ARHGEF4: variants seen among roughly 807,000 people sequenced by gnomAD.
The protein encoded by ARHGEF4 is APC-stimulated guanine nucleotide exchange factor 1.
In ARHGEF4, 119 loss-of-function variants were observed where a neutral mutation model predicts 162.0. The observed-to-expected ratio is 0.73, with a 90% CI of 0.63 to 0.86. ARHGEF4 has a LOEUF of 0.86. Ranked by LOEUF, ARHGEF4 falls within the 40% of genes least tolerant of loss-of-function variation. The pLI is 0.00. For synonymous variants in ARHGEF4, 1,014 were observed against 979.9 expected, an observed-to-expected ratio of 1.03 and a Z score of -0.65; for missense variants, 2,488 against 2,456.0, an observed-to-expected ratio of 1.01 and a Z score of -0.28.
intron 4 of ARHGEF4, among the ~76,000 whole-genome samples, chr2:130,994,409 TGGGCAGAC>T (rs1687247135): frequency 2.0e-5 from 3 of 152,242 alleles, no homozygotes; most frequent in South Asian, 4.1e-4. Flanking sequence ...TTAAATCATG[TGGGCAGAC>T]CTATCTTATA....
At chr2:131,032,442 C>G (rs1336499333) in intron 5 of ARHGEF4, among the ~76,000 whole-genome samples, 1 of 151,990 alleles carries the variant, frequency 6.6e-6, no homozygotes, top group Non-Finnish European at 1.5e-5. Context: ...CTTATTCCCC[C>G]TCCTCAGCCC....
At chr2:130,960,918 T>G (rs998644964) in intron 4 of ARHGEF4, among the ~76,000 whole-genome samples, 1 of 152,180 alleles carries the variant, frequency 6.6e-6, no homozygotes, top group Non-Finnish European at 1.5e-5. Context: ...GATTCAAAAT[T>G]ACTGAGGTCT....
intron 1 of ARHGEF4, among the ~76,000 whole-genome samples, chr2:130,876,393 CTT>C (rs1043308059): frequency 1.3e-5 from 2 of 151,950 alleles, no homozygotes; most frequent in Non-Finnish European, 2.9e-5. Flanking sequence ...GTATGAGCAT[CTT>C]TTTTTTGTTT....
chr2:130,981,666 A>AG (rs1177805934), intron 4 of ARHGEF4, among the ~76,000 whole-genome samples: 1 of 151,848 alleles, frequency 6.6e-6, no homozygotes, highest in African/African-American at 2.4e-5. Context: ...TCAAAAAAAA[A>AG]AAAAAAGAAA....
intron 1 of ARHGEF4, among the ~76,000 whole-genome samples, chr2:130,855,593 T>C (rs142685363): frequency 2.0e-3 from 301 of 152,238 alleles, no homozygotes; most frequent in Middle Eastern, 6.8e-3. Context: ...CAGGTTTTTA[T>C]TGGGGTCAGT....
intron 1 of ARHGEF4, among the ~76,000 whole-genome samples, chr2:130,863,887 C>G (rs13006350): frequency 0.11 from 11,693 of 110,914 alleles, 724 homozygotes; most frequent in South Asian, 0.21. Flanking sequence ...TACTGCTCAA[C>G]AACAAGAGTG....
chr2:130,908,967 G>C (rs1323637627), intron 1 of ARHGEF4, among the ~76,000 whole-genome samples: 1 of 152,118 alleles, frequency 6.6e-6, no homozygotes, highest in African/African-American at 2.4e-5. Flanking sequence ...CACAAATCCA[G>C]ATTGCAAGGA....
At position 131,046,464 on chromosome 2, in the gene ARHGEF4, G is replaced by A; in HGVS notation, c.*275G>A. The stretch of plus-strand genomic sequence containing the variant: ...CATCCGCCCTCTGGACCTGTGTAGG[G>A]CCTCACTGCTGGAGCGGGGAAACCG... On this transcript the variant is annotated 3_prime_UTR_variant, in exon 14 of 14. Transcript: ENST00000409359. 1 of 426,060 alleles carries A rather than the reference G, an allele frequency of 2.3e-6. No individual in the cohort carries two copies. Among genetic ancestry groups the A allele is most frequent in the South Asian group, 4.1e-5 (1 of 24,652 alleles). The allele number at this position is 426,060 out of a possible 1,614,324, so 26.4% of individuals were successfully genotyped here.
chr2:131,007,644 G>GTATATCTATGCCTTTTCAT (rs749701582), intron 4 of ARHGEF4, among the ~76,000 whole-genome samples: 6 of 151,510 alleles, frequency 4.0e-5, no homozygotes, highest in Non-Finnish European at 7.4e-5. Flanking sequence ...GCAACCTTTT[G>GTATATCTATGCCTTTTCAT]TATATCTATG....
At chr2:131,034,973 C>T in intron 5 of ARHGEF4, 1 of 983,428 alleles carries the variant, frequency 1.0e-6, no homozygotes, top group Non-Finnish European at 1.2e-6. Flanking sequence ...GCCGGCTTCG[C>T]GGGAGGAGCC....
intron 1 of ARHGEF4, among the ~76,000 whole-genome samples, chr2:130,879,715 T>C (rs1357890589): frequency 6.6e-6 from 1 of 152,236 alleles, no homozygotes; most frequent in Non-Finnish European, 1.5e-5. Context: ...TTATTTTACT[T>C]GCGTAATGGC....
rs184255009 is a variant in ARHGEF4 at position 130,893,340 on chromosome 2, T to C, written c.40-20646T>C. 2.4e-3 allele frequency among the ~76,000 whole-genome samples: 358 copies of C among 152,336 alleles called. 1 individual carries two copies. The highest frequency in any genetic ancestry group is 8.2e-3 in the African/African-American group (343 of 41,582). Reference sequence around the variant, plus strand: ...TCCTTGTCTGAGCCCCGTCCTGTGCTGCTGTCTCTGGGGCCTTTTTTCTCC... The same window carrying C: ...TCCTTGTCTGAGCCCCGTCCTGTGCCGCTGTCTCTGGGGCCTTTTTTCTCC... On this transcript the variant is annotated intron_variant, in intron 1 of 13. Coordinates refer to ENST00000409359, the MANE Select transcript of ARHGEF4 (RefSeq NM_001367493.1).
chr2:130,985,226 G>A (rs923367414), intron 4 of ARHGEF4, among the ~76,000 whole-genome samples: 6 of 152,132 alleles, frequency 3.9e-5, no homozygotes, highest in African/African-American at 1.4e-4. Context: ...ATGGAAACTC[G>A]CTTCCAGCCA....
intron 1 of ARHGEF4, among the ~76,000 whole-genome samples, chr2:130,838,271 C>T (rs1450544891): frequency 6.6e-6 from 1 of 152,178 alleles, no homozygotes; most frequent in African/African-American, 2.4e-5. Context: ...TCCATGCCCT[C>T]CACACCTTTC....
At chr2:131,045,961 C>A in intron 13 of ARHGEF4, 77 bp from the exon 14 acceptor site, 1 of 1,545,276 alleles carries the variant, frequency 6.5e-7, no homozygotes. Context: ...CTGGGACGGA[C>A]CCCATGCTGT....
At chr2:131,012,041 T>C in intron 4 of ARHGEF4, 1 of 646,978 alleles carries the variant, frequency 1.5e-6, no homozygotes, top group Non-Finnish European at 2.8e-6. Context: ...AAAATTATCC[T>C]TGCCAAGATT....
At chr2:130,873,854 G>A (rs1242348910) in intron 1 of ARHGEF4, among the ~76,000 whole-genome samples, 3 of 152,070 alleles carry the variant, frequency 2.0e-5, no homozygotes, top group South Asian at 2.1e-4. Flanking sequence ...CATCCAGGCC[G>A]CTTTGCAGGA....
rs370055423 is a variant in ARHGEF4 at position 130,988,043 on chromosome 2, A to G, written c.3986-39902A>G. ...AGATAACATGATTCCAAGGGCGTTC[A>G]TGAGGATTAAAGGAAGTCATGCTCC... On this transcript the variant is annotated intron_variant, in intron 4 of 13. Transcript: ENST00000409359. Among the ~76,000 whole-genome samples, 5 of 152,218 alleles carry G rather than the reference A, an allele frequency of 3.3e-5. No homozygotes were observed. The East Asian group carries it at 7.7e-4, about 23-fold the overall frequency.
chr2:130,969,992 T>C (rs11690726), intron 4 of ARHGEF4, among the ~76,000 whole-genome samples: 77,830 of 152,166 alleles, frequency 0.51, 23,779 homozygotes, highest in Non-Finnish European at 0.66. Context: ...AGTTGCTAAA[T>C]AGTATTTCAG....
Sources: gnomAD v4.1 joint callset for allele counts (sites outside exome capture counted in the v4.1 genomes callset) on GRCh38, gnomAD v4.1.1 for gene constraint, MANE v1.5 for transcripts, NCBI Gene and HGNC (gene_info 2026-07-23, HGNC 2026-07-21) for gene names.